Variants in B3GLCT observed in about 807,000 individuals in gnomAD.
B3GLCT encodes beta 3-glucosyltransferase.
Under a neutral mutation model 63.4 loss-of-function variants are expected in B3GLCT, and 65 were observed. The ratio of observed to expected loss-of-function variants is 1.03; its 90% CI spans 0.84 to 1.26. The LOEUF (loss-of-function observed/expected upper bound fraction) is 1.26. Among genes scored for constraint, B3GLCT ranks in the 50% most tolerant of loss-of-function variants. The pLI is 0.00. For missense variants in B3GLCT, 577 were observed against 604.8 expected (o/e 0.95, Z 0.48); for synonymous variants, 233 against 219.2 (o/e 1.06, Z -0.55).
intron 10 of B3GLCT, among the ~76,000 whole-genome samples, chr13:31,281,143 C>A (rs573250579): frequency 6.6e-6 from 1 of 152,190 alleles, no homozygotes; most frequent in East Asian, 1.9e-4. Context: ...TTTTGTTCAT[C>A]AAATGGTGGG....
chr13:31,260,696 A>G (rs774468382), intron 6 of B3GLCT, among the ~76,000 whole-genome samples: 7 of 152,228 alleles, frequency 4.6e-5, no homozygotes, highest in Non-Finnish European at 8.8e-5. Flanking sequence ...TTTATGGTAT[A>G]ATGAGGACTA....
intron 10 of B3GLCT, among the ~76,000 whole-genome samples, chr13:31,282,338 G>T (rs1395708006): frequency 3.9e-5 from 6 of 152,040 alleles, no homozygotes; most frequent in African/African-American, 1.4e-4. Flanking sequence ...AATCCTTTAT[G>T]GCTAAGAGAT....
chr13:31,308,362 A>AAAAACAAAAC (rs144783437), intron 12 of B3GLCT, among the ~76,000 whole-genome samples: 1 of 61,878 alleles, frequency 1.6e-5, no homozygotes, highest in African/African-American at 4.6e-5. Flanking sequence ...AAAAAAAAAC[A>AAAAACAAAAC]AAAAAAAAAG....
At chr13:31,284,844 T>G (rs1372113707) in intron 11 of B3GLCT, 83 bp downstream of exon 11, 2 of 892,220 alleles carry the variant, frequency 2.2e-6, no homozygotes, top group Non-Finnish European at 3.7e-6. Flanking sequence ...AAAAATGAAA[T>G]GTTTTATAAG....
At chr13:31,213,616 A>ACCCCCCCC (rs1243633056) in intron 1 of B3GLCT, among the ~76,000 whole-genome samples, 1 of 56,864 alleles carries the variant, frequency 1.8e-5, no homozygotes, top group Admixed American at 2.5e-4. Context: ...ACACCCCCCC[A>ACCCCCCCC]CCCCACCCCC....
intron 4 of B3GLCT, among the ~76,000 whole-genome samples, chr13:31,242,192 G>A (rs115323609): frequency 0.042 from 6,456 of 152,200 alleles, 154 homozygotes; most frequent in Non-Finnish European, 0.051. Context: ...CTCCTGACTT[G>A]CAGGTGGGGC....
At chr13:31,215,517 G>A (rs746765444) in intron 2 of B3GLCT, among the ~76,000 whole-genome samples, 13 of 152,206 alleles carry the variant, frequency 8.5e-5, no homozygotes, top group Admixed American at 2.0e-4. Flanking sequence ...GGGTTCAAGC[G>A]ATTCTCCTGT....
intron 12 of B3GLCT, among the ~76,000 whole-genome samples, chr13:31,306,551 G>A (rs1465520264): frequency 1.8e-5 from 2 of 111,394 alleles, no homozygotes; most frequent in Non-Finnish European, 1.8e-5. Flanking sequence ...CAAACAGAGA[G>A]CCAAATCATG....
intron 10 of B3GLCT, among the ~76,000 whole-genome samples, chr13:31,280,096 A>T (rs534578295): frequency 6.6e-6 from 1 of 152,296 alleles, no homozygotes; most frequent in African/African-American, 2.4e-5. Flanking sequence ...TAACGCAATC[A>T]TCACAGGGTC....
At chr13:31,253,088 T>C (rs1593275011) in intron 6 of B3GLCT, among the ~76,000 whole-genome samples, 1 of 152,196 alleles carries the variant, frequency 6.6e-6, no homozygotes, top group South Asian at 2.1e-4. Context: ...ATGTGGAAAC[T>C]GAACAACCTG....
At chr13:31,279,690 T>C (rs986527612) in intron 10 of B3GLCT, among the ~76,000 whole-genome samples, 1 of 152,142 alleles carries the variant, frequency 6.6e-6, no homozygotes, top group African/African-American at 2.4e-5. Context: ...GATAATATCT[T>C]ATCAGGGGAC....
At chr13:31,222,533 A>G (rs1869866563) in intron 2 of B3GLCT, among the ~76,000 whole-genome samples, 1 of 152,164 alleles carries the variant, frequency 6.6e-6, no homozygotes, top group African/African-American at 2.4e-5. Flanking sequence ...AATTAGTAGA[A>G]CTTATCTTCA....
At chr13:31,263,579 C>T (rs960131155) in intron 7 of B3GLCT, among the ~76,000 whole-genome samples, 2 of 152,160 alleles carry the variant, frequency 1.3e-5, no homozygotes, top group Non-Finnish European at 2.9e-5. Context: ...GTCTCATGCT[C>T]ACCACATGAC....
Position 31,329,611 on chromosome 13 carries a change from C to T in B3GLCT, c.1440C>T (p.Pro480=), listed in dbSNP as rs770163081. The T allele has an allele frequency of 4.3e-6, 7 of 1,614,186 alleles. No homozygotes were observed. In the South Asian group the frequency reaches 7.7e-5, roughly 18 times the overall value. Residue 480 remains proline, a synonymous_variant, in exon 15 of 15, where the codon CCC becomes CCT. Transcript: ENST00000343307. Reference sequence around the variant, plus strand: ...AGGTGTATTTCACATGGTTGGCACCCAGTGACGAAGACAAAGCCAGGCAGG... The same window carrying T: ...AGGTGTATTTCACATGGTTGGCACCTAGTGACGAAGACAAAGCCAGGCAGG... ...PVKVYFTWLA[P]SDEDKARQET... is the part of the protein sequence containing the mutation.
intron 3 of B3GLCT, 27 bp downstream of exon 3, chr13:31,223,018 A>C: frequency 7.4e-7 from 1 of 1,356,606 alleles, no homozygotes; most frequent in East Asian, 2.3e-5. Flanking sequence ...TTTACCTAAG[A>C]GTGTGTACTT....
intron 12 of B3GLCT, among the ~76,000 whole-genome samples, chr13:31,310,631 G>T (rs1020789842): frequency 6.6e-6 from 1 of 152,216 alleles, no homozygotes; most frequent in South Asian, 2.1e-4. Context: ...GGGCTGGAGT[G>T]GGGTGGCAGG....
chr13:31,296,453 T>C (rs1873948208), intron 12 of B3GLCT, among the ~76,000 whole-genome samples: 1 of 152,184 alleles, frequency 6.6e-6, no homozygotes, highest in Non-Finnish European at 1.5e-5. Flanking sequence ...TGGCCTCTTC[T>C]CAGAAGGGCA....
At chr13:31,266,199 C>G (rs561159577) in intron 7 of B3GLCT, among the ~76,000 whole-genome samples, 1 of 152,064 alleles carries the variant, frequency 6.6e-6, no homozygotes, top group African/African-American at 2.4e-5. Context: ...GGGGTTTCAC[C>G]GTGTTAGCCA....
intron 2 of B3GLCT, among the ~76,000 whole-genome samples, chr13:31,217,964 A>G (rs913788917): frequency 2.0e-4 from 31 of 152,174 alleles, no homozygotes; most frequent in African/African-American, 7.2e-4. Context: ...ATTCTATGAA[A>G]AATGTCATTG....
Sources: allele counts gnomAD v4.1 joint callset (sites outside exome capture counted in the v4.1 genomes callset), GRCh38; gene constraint gnomAD v4.1.1; transcripts MANE v1.5; gene names NCBI Gene and HGNC (gene_info 2026-07-23, HGNC 2026-07-21).